The following TESK2 variants were observed in gnomAD, a reference collection of about 807,000 sequenced individuals.
The protein encoded by TESK2 is dual specificity testis-specific protein kinase 2.
Under a neutral mutation model 57.1 loss-of-function variants are expected in TESK2, and 39 were observed. That is an observed-to-expected ratio of 0.68 (90% CI 0.53 to 0.89). The LOEUF is 0.89. Ranked by LOEUF, TESK2 falls within the 40% of genes least tolerant of loss-of-function variation. TESK2 has a pLI of 0.00. For synonymous variants in TESK2, 249 were observed against 267.9 expected (o/e 0.93, Z 0.69); for missense variants, 646 against 732.1 (o/e 0.88, Z 1.36).
chr1:45,384,609 T>TTTTTTA (rs1557551559), intron 4 of TESK2, among the ~76,000 whole-genome samples: 2 of 130,422 alleles, frequency 1.5e-5, no homozygotes, highest in African/African-American at 5.9e-5. Context: ...TTTTTTTTTT[T>TTTTTTA]TTTTTTTTTT....
chr1:45,382,879 A>G (rs1024250084), intron 4 of TESK2, among the ~76,000 whole-genome samples: 4 of 152,188 alleles, frequency 2.6e-5, no homozygotes, highest in Admixed American at 6.5e-5. Context: ...CCCAAAAAAA[A>G]AATCTTTAGT....
chr1:45,480,923 G>A (rs1179563121), intron 1 of TESK2, among the ~76,000 whole-genome samples: 2 of 151,850 alleles, frequency 1.3e-5, no homozygotes, highest in East Asian at 1.9e-4. Flanking sequence ...GGGAAATGGA[G>A]GTTGCAGTGA....
intron 5 of TESK2, among the ~76,000 whole-genome samples, chr1:45,350,548 A>G (rs1016044270): frequency 7.2e-5 from 11 of 152,258 alleles, no homozygotes; most frequent in African/African-American, 2.7e-4. Context: ...CTGAACAGTT[A>G]AGAGGTTCTT....
chr1:45,355,212 T>C, intron 5 of TESK2, 91 bp downstream of exon 5: 1 of 1,404,930 alleles, frequency 7.1e-7, no homozygotes, highest in East Asian at 2.4e-5. Context: ...AATTATGTCC[T>C]CTGTGATTAA....
chr1:45,443,212 T>A (rs1294558429), intron 2 of TESK2, among the ~76,000 whole-genome samples: 1 of 152,064 alleles, frequency 6.6e-6, no homozygotes, highest in East Asian at 1.9e-4. Context: ...CCAACTAAGG[T>A]CTATTTTTAA....
intron 2 of TESK2, among the ~76,000 whole-genome samples, chr1:45,448,598 G>A (rs539987368): frequency 6.5e-4 from 99 of 152,140 alleles, no homozygotes; most frequent in African/African-American, 2.3e-3. Flanking sequence ...GGAGGTCCCA[G>A]ATTCTTTTAA....
chr1:45,461,885 T>C (rs1048860808), intron 1 of TESK2, among the ~76,000 whole-genome samples: 3 of 152,188 alleles, frequency 2.0e-5, no homozygotes, highest in African/African-American at 7.2e-5. Context: ...TCAGGGTAAA[T>C]GAGGTATCCA....
At chr1:45,361,270 C>G (rs1458561669) in intron 4 of TESK2, among the ~76,000 whole-genome samples, 7 of 152,204 alleles carry the variant, frequency 4.6e-5, no homozygotes, top group Admixed American at 3.3e-4. Context: ...TTCAGCTTTC[C>G]CGGATGGGGA....
chr1:45,363,340 T>A (rs140099902), intron 4 of TESK2, among the ~76,000 whole-genome samples: 139 of 152,348 alleles, frequency 9.1e-4, no homozygotes, highest in South Asian at 3.7e-3. Flanking sequence ...TGAAAAGATT[T>A]AGCCCTCATT....
chr1:45,447,005 C>T (rs1651672620), intron 2 of TESK2, among the ~76,000 whole-genome samples: 1 of 152,078 alleles, frequency 6.6e-6, no homozygotes, highest in African/African-American at 2.4e-5. Flanking sequence ...ATCATGTAAG[C>T]CCAGGAGTTA....
chr1:45,466,796 T>C (rs1052638566), intron 1 of TESK2, among the ~76,000 whole-genome samples: 2 of 151,532 alleles, frequency 1.3e-5, no homozygotes, highest in East Asian at 3.9e-4. Flanking sequence ...CTTAGATATG[T>C]TATTTAACCT....
intron 3 of TESK2, among the ~76,000 whole-genome samples, chr1:45,396,440 C>G (rs1570686741): frequency 6.6e-6 from 1 of 152,110 alleles, no homozygotes; most frequent in East Asian, 1.9e-4. Flanking sequence ...TTTTGAGTAC[C>G]TATTATGTGC....
At chr1:45,431,455 T>A (rs890135476) in intron 2 of TESK2, among the ~76,000 whole-genome samples, 5 of 151,750 alleles carry the variant, frequency 3.3e-5, no homozygotes, top group African/African-American at 1.2e-4. Flanking sequence ...AATTGCTGCA[T>A]GGAATTTCTG....
chr1:45,389,233 G>C (rs1219816180), intron 3 of TESK2, among the ~76,000 whole-genome samples: 1 of 152,098 alleles, frequency 6.6e-6, no homozygotes, highest in Non-Finnish European at 1.5e-5. Context: ...GGGCAATATA[G>C]GGAGACCTGA....
At chr1:45,455,091 G>T (rs1212942778) in intron 2 of TESK2, among the ~76,000 whole-genome samples, 1 of 151,916 alleles carries the variant, frequency 6.6e-6, no homozygotes. Context: ...CCACTTCCTG[G>T]TTGCTAAAAG....
intron 5 of TESK2, among the ~76,000 whole-genome samples, chr1:45,354,863 G>T (rs545423257): frequency 8.6e-6 from 1 of 116,318 alleles, no homozygotes; most frequent in African/African-American, 3.4e-5. Flanking sequence ...GGCTCACTCA[G>T]CACTGAAAGG....
intron 4 of TESK2, among the ~76,000 whole-genome samples, chr1:45,365,739 C>T (rs368279581): frequency 1.7e-4 from 24 of 144,826 alleles, no homozygotes; most frequent in African/African-American, 5.5e-4. Flanking sequence ...AGTGCAGTGG[C>T]GTAATCTCAG....
At chr1:45,351,150 A>C (rs1420679609) in intron 5 of TESK2, among the ~76,000 whole-genome samples, 2 of 152,268 alleles carry the variant, frequency 1.3e-5, no homozygotes, top group Non-Finnish European at 2.9e-5. Context: ...AATGGTATTA[A>C]GCAGAAGCAA....
chr1:45,485,628 C>CGAA (rs1264474063), intron 1 of TESK2, among the ~76,000 whole-genome samples: 2 of 151,304 alleles, frequency 1.3e-5, no homozygotes, highest in African/African-American at 4.9e-5. Context: ...AAGTGATTCT[C>CGAA]CTGCCTCAGC....
Sources: allele counts gnomAD v4.1 joint callset (sites outside exome capture counted in the v4.1 genomes callset), GRCh38; gene constraint gnomAD v4.1.1; transcripts MANE v1.5; gene names NCBI Gene and HGNC (gene_info 2026-07-23, HGNC 2026-07-21).